Variants in THSD7A observed in about 807,000 individuals in gnomAD.
THSD7A encodes thrombospondin type 1 domain containing 7A, also known as thrombospondin type-1 domain-containing protein 7A.
THSD7A carries 96 observed loss-of-function variants against 231.3 expected under a neutral mutation model. The ratio of observed to expected loss-of-function variants is 0.41; its 90% confidence interval spans 0.35 to 0.49. THSD7A has a LOEUF of 0.49. Ranked by LOEUF, THSD7A falls within the 20% of genes least tolerant of loss-of-function variation. The probability of loss-of-function intolerance (pLI) is 0.05; values close to 1 mark genes in which losing one functional copy is unlikely to be tolerated. For synonymous variants in THSD7A, 940 were observed against 743.3 expected, an observed-to-expected ratio of 1.26 and a Z score of -4.30; for missense variants, 2,290 against 2,070.2, an observed-to-expected ratio of 1.11 and a Z score of -2.06.
At chr7:11,613,580 T>A (rs1217533409) in intron 2 of THSD7A, among the ~76,000 whole-genome samples, 1 of 152,196 alleles carries the variant, frequency 6.6e-6, no homozygotes, top group African/African-American at 2.4e-5. Context: ...TGTTCGTTCA[T>A]GGAAAAAGTA....
chr7:11,465,260 C>T (rs938987955), intron 9 of THSD7A, among the ~76,000 whole-genome samples: 14 of 151,968 alleles, frequency 9.2e-5, no homozygotes, highest in South Asian at 2.1e-4. Flanking sequence ...TAGTGGTAAG[C>T]GCACAGGTAC....
intron 8 of THSD7A, among the ~76,000 whole-genome samples, chr7:11,472,897 T>A (rs1229563905): frequency 6.6e-6 from 1 of 152,126 alleles, no homozygotes; most frequent in Non-Finnish European, 1.5e-5. Flanking sequence ...TAGTGAATAT[T>A]TCTACCTTTG....
chr7:11,427,397 C>T (rs1296011047), intron 14 of THSD7A, among the ~76,000 whole-genome samples: 1 of 152,144 alleles, frequency 6.6e-6, no homozygotes, highest in Non-Finnish European at 1.5e-5. Context: ...AGCCTTCAGT[C>T]AACCGATACC....
At chr7:11,434,311 G>C (rs1784564775) in intron 13 of THSD7A, among the ~76,000 whole-genome samples, 1 of 152,066 alleles carries the variant, frequency 6.6e-6, no homozygotes, top group African/African-American at 2.4e-5. Context: ...TTTGACGCTT[G>C]GAAAAATTAA....
intron 13 of THSD7A, among the ~76,000 whole-genome samples, chr7:11,442,688 G>T (rs1784843530): frequency 6.6e-6 from 1 of 152,040 alleles, no homozygotes; most frequent in African/African-American, 2.4e-5. Flanking sequence ...AATTCCCAAA[G>T]AAATCAGGCA....
At chr7:11,553,963 T>A (rs1325740273) in intron 4 of THSD7A, among the ~76,000 whole-genome samples, 1 of 150,950 alleles carries the variant, frequency 6.6e-6, no homozygotes, top group African/African-American at 2.5e-5. Flanking sequence ...ATAAATTATA[T>A]CTATAATTTT....
At chr7:11,728,954 TG>T (rs1389288005) in intron 1 of THSD7A, among the ~76,000 whole-genome samples, 1 of 151,764 alleles carries the variant, frequency 6.6e-6, no homozygotes, top group African/African-American at 2.4e-5. Context: ...AATAATATTT[TG>T]AAGTATATTT....
chr7:11,477,444 C>A (rs917801752), intron 7 of THSD7A, among the ~76,000 whole-genome samples: 1 of 152,050 alleles, frequency 6.6e-6, no homozygotes, highest in Non-Finnish European at 1.5e-5. Context: ...ACTTTGGTCA[C>A]CAGATTAAGG....
intron 1 of THSD7A, among the ~76,000 whole-genome samples, chr7:11,733,515 G>A (rs1256263811): frequency 1.3e-5 from 2 of 151,826 alleles, no homozygotes; most frequent in African/African-American, 4.8e-5. Context: ...CCATTTAGGT[G>A]TTTTGAGGTA....
chr7:11,767,162 G>A (rs889567605), intron 1 of THSD7A, among the ~76,000 whole-genome samples: 1 of 152,066 alleles, frequency 6.6e-6, no homozygotes, highest in East Asian at 1.9e-4. Context: ...AGTAAACAGG[G>A]GTACACTGTA....
At chr7:11,635,799 T>C (rs1584118796) in intron 2 of THSD7A, among the ~76,000 whole-genome samples, 1 of 152,290 alleles carries the variant, frequency 6.6e-6, no homozygotes, top group East Asian at 1.9e-4. Context: ...AATCCCAATA[T>C]TTCAGCCCCT....
In THSD7A at chr7:11,460,860, C is replaced by T; in HGVS notation, c.2502-95G>A. On this transcript the variant is annotated intron_variant, in intron 10 of 27. Coordinates refer to ENST00000423059, the MANE Select transcript of THSD7A (RefSeq NM_015204.3). ...CATGGAAACATGACTTTGACCACTG[C>T]AAACACAGTTATTTAGCAATGCTCA... 4 of 900,128 alleles carry T rather than the reference C, an allele frequency of 4.4e-6. No individual in the cohort carries two copies. The Admixed American group carries it at 8.8e-5, about 20-fold the overall frequency. 55.8% of individuals were successfully genotyped at this position (900,128 alleles called of 1,614,324 possible).
chr7:11,761,796 G>T (rs1325703687), intron 1 of THSD7A, among the ~76,000 whole-genome samples: 2 of 151,932 alleles, frequency 1.3e-5, no homozygotes, highest in Admixed American at 6.6e-5. Flanking sequence ...GTGCAGGTTT[G>T]TTACATGAGT....
At chr7:11,543,818 T>G (rs998205207) in intron 4 of THSD7A, among the ~76,000 whole-genome samples, 1 of 151,912 alleles carries the variant, frequency 6.6e-6, no homozygotes, top group Non-Finnish European at 1.5e-5. Flanking sequence ...TGTTTTTTTG[T>G]TTTTTTTATG....
intron 2 of THSD7A, among the ~76,000 whole-genome samples, chr7:11,625,396 A>T (rs982473208): frequency 2.0e-5 from 3 of 152,224 alleles, no homozygotes; most frequent in Admixed American, 1.3e-4. Flanking sequence ...TTGTCCACTT[A>T]CAATTCAATT....
chr7:11,731,875 G>A (rs1781747694), intron 1 of THSD7A, among the ~76,000 whole-genome samples: 1 of 145,420 alleles, frequency 6.9e-6, no homozygotes, highest in Non-Finnish European at 1.5e-5. Flanking sequence ...TAAAATCATT[G>A]TATATCTGCT....
intron 7 of THSD7A, among the ~76,000 whole-genome samples, chr7:11,480,854 A>T (rs1413862453): frequency 6.6e-6 from 1 of 152,168 alleles, no homozygotes; most frequent in African/African-American, 2.4e-5. Flanking sequence ...CCCCAAATCG[A>T]TAATTTGGGG....
At chr7:11,382,132 T>C (rs1352630236) in intron 24 of THSD7A, among the ~76,000 whole-genome samples, 1 of 152,142 alleles carries the variant, frequency 6.6e-6, no homozygotes, top group East Asian at 1.9e-4. Context: ...GCTGGTATTT[T>C]TGGTCTGCAT....
At chr7:11,398,508 C>T (rs534868002) in intron 23 of THSD7A, among the ~76,000 whole-genome samples, 69 of 151,772 alleles carry the variant, frequency 4.5e-4, no homozygotes, top group African/African-American at 1.4e-3. Context: ...CAAACCTGCA[C>T]GTTCTGCACA....
Sources: gnomAD v4.1 joint callset for allele counts (sites outside exome capture counted in the v4.1 genomes callset) on GRCh38, gnomAD v4.1.1 for gene constraint, MANE v1.5 for transcripts, NCBI Gene and HGNC (gene_info 2026-07-23, HGNC 2026-07-21) for gene names.